Variants in DIS3L observed in about 807,000 individuals in gnomAD.
DIS3L encodes DIS3-like exonuclease 1.
Under a neutral mutation model 120.3 loss-of-function variants are expected in DIS3L, and 100 were observed. That is an observed-to-expected ratio of 0.83 (90% CI 0.71 to 0.98). The LOEUF (loss-of-function observed/expected upper bound fraction) is 0.98. Among genes scored for constraint, DIS3L ranks in the 50% least tolerant of loss-of-function variants. The probability of loss-of-function intolerance (pLI) is 0.00; values close to 1 mark genes in which losing one functional copy is unlikely to be tolerated. For synonymous variants in DIS3L, 426 were observed against 470.6 expected (o/e 0.91, Z 1.23); for missense variants, 1,196 against 1,314.2 (o/e 0.91, Z 1.39).
rs771316933 is a variant in DIS3L at position 66,320,585 on chromosome 15, C to A, written c.1179C>A (p.Val393=). ...CTTTTGTGCAGGACTTCAGGGTGGTCGTGCGCATCGATTCCTGGGAGTCAA... is the reference window on the plus strand; with the variant it reads ...CTTTTGTGCAGGACTTCAGGGTGGTAGTGCGCATCGATTCCTGGGAGTCAA... ...QAETLQDFRV[V]VRIDSWESTS... Residue 393 remains valine (V), a synonymous_variant, in exon 9 of 17, where the codon GTC becomes GTA. Transcript: ENST00000319212. 2 of 1,613,438 alleles carry A rather than the reference C, an allele frequency of 1.2e-6. No individual in the cohort carries two copies. Among genetic ancestry groups the A allele is most frequent in the Non-Finnish European group, 1.7e-6 (2 of 1,179,792 alleles).
intron 6 of DIS3L, 81 bp from the exon 7 acceptor site, chr15:66,314,955 G>C (rs975427518): frequency 2.8e-6 from 4 of 1,434,736 alleles, no homozygotes; most frequent in Admixed American, 2.0e-5. Flanking sequence ...ATTAGACTTC[G>C]AGTATATCAT....
At chr15:66,298,498 A>G (rs2092614126) in intron 2 of DIS3L, among the ~76,000 whole-genome samples, 1 of 152,270 alleles carries the variant, frequency 6.6e-6, no homozygotes, top group Admixed American at 6.5e-5. Context: ...TCAACGTGAC[A>G]GATAACATTG....
chr15:66,305,548 A>G (rs1465704752), intron 2 of DIS3L, among the ~76,000 whole-genome samples: 2 of 152,098 alleles, frequency 1.3e-5, no homozygotes, highest in African/African-American at 4.8e-5. Context: ...TGTTAGAGAC[A>G]GGGTCTCATT....
chr15:66,329,328 G>C lies in DIS3L; in HGVS notation c.2464G>C (p.Glu822Gln), dbSNP rs1023781359. The C allele has an allele frequency of 6.2e-7, 1 of 1,613,908 alleles. No homozygotes were observed. Among genetic ancestry groups the C allele is most frequent in the Admixed American group, 1.7e-5 (1 of 59,984 alleles). Residue 822 changes from glutamate (E) to glutamine (Q), a missense_variant, in exon 14 of 17, where the codon GAA (glutamate) becomes CAA (glutamine). Transcript: ENST00000319212. ...MAAISKDKKM[E>Q]IKGNLFSNKD... Reference sequence around the variant, plus strand: ...AGCCATTTCAAAAGATAAGAAAATGGAAATTAAGGGAAATCTGTTCAGCAA... The same window carrying C: ...AGCCATTTCAAAAGATAAGAAAATGCAAATTAAGGGAAATCTGTTCAGCAA...
chr15:66,329,542 A>T (rs2140414343), intron 14 of DIS3L, 143 bp downstream of exon 14: 1 of 1,341,336 alleles, frequency 7.5e-7, no homozygotes, highest in South Asian at 2.1e-5. Context: ...GAACATTTGT[A>T]GATGTTCTCA....
rs1485208742 is a variant in DIS3L, at chr15:66,323,525, A to G, written c.1607A>G (p.Tyr536Cys). 6.8e-6 allele frequency: 11 copies of G among 1,614,124 alleles called. No homozygotes were observed. The Admixed American group carries it at 1.3e-4, about 20-fold the overall frequency. ...ATTYYLADRR[Y>C]DMLPSVLSAD... ...ACTTATTATCTAGCAGATCGTCGCT[A>G]TGACATGCTGCCTTCCGTCCTCAGT... is the stretch of plus-strand genomic sequence containing the variant. Residue 536 changes from tyrosine (Y) to cysteine (C), a missense_variant, in exon 11 of 17, where the codon TAT becomes TGT. Physicochemically the swap from Tyr to Cys is radical, Grantham distance 194. Coordinates refer to ENST00000319212, the MANE Select transcript of DIS3L (RefSeq NM_001143688.3).
chr15:66,331,538 G>C (rs1405511844), intron 14 of DIS3L: 1 of 159,844 alleles, frequency 6.3e-6, no homozygotes, highest in Non-Finnish European at 1.4e-5. Context: ...CTGGGTGACA[G>C]AGTGAGACTC....
chr15:66,319,035 C>G (rs2092852155), intron 8 of DIS3L, among the ~76,000 whole-genome samples: 1 of 152,168 alleles, frequency 6.6e-6, no homozygotes, highest in East Asian at 1.9e-4. Context: ...TCATGATCCA[C>G]CACCTCCACC....
At chr15:66,295,578 T>A (rs1595708772) in intron 2 of DIS3L, among the ~76,000 whole-genome samples, 2 of 152,356 alleles carry the variant, frequency 1.3e-5, no homozygotes, top group East Asian at 3.9e-4. Flanking sequence ...CAAATTGTAC[T>A]TGTAATGATT....
At chr15:66,301,356 C>T (rs997786801) in intron 2 of DIS3L, among the ~76,000 whole-genome samples, 3 of 152,074 alleles carry the variant, frequency 2.0e-5, no homozygotes, top group African/African-American at 7.2e-5. Flanking sequence ...TCTCAGCTCA[C>T]TGCAACCTCT....
At chr15:66,327,101 T>A (rs1451647113) in intron 12 of DIS3L, among the ~76,000 whole-genome samples, 3 of 151,954 alleles carry the variant, frequency 2.0e-5, no homozygotes, top group Non-Finnish European at 4.4e-5. Context: ...GGCTAATTTT[T>A]GTATTTTTAG....
In DIS3L at chr15:66,316,750, G is replaced by A. The variant is rs192592349; in HGVS notation, c.994+1535G>A. Among the ~76,000 whole-genome samples, 235 of 152,318 alleles carry A rather than the reference G, an allele frequency of 1.5e-3. 1 individual carries two copies. Among genetic ancestry groups the A allele is most frequent in the African/African-American group, 5.4e-3 (224 of 41,572 alleles). On this transcript the variant is annotated intron_variant, in intron 7 of 16. Coordinates refer to ENST00000319212, the MANE Select transcript of DIS3L (RefSeq NM_001143688.3). Reference sequence around the variant, plus strand: ...GAATCGCTTGAACCTAGGAGGCGGAGGTTGCAGTGAGCCAAGATCATGCTA... The same window carrying A: ...GAATCGCTTGAACCTAGGAGGCGGAAGTTGCAGTGAGCCAAGATCATGCTA...
At chr15:66,306,133 C>T (rs113479544) in intron 2 of DIS3L, among the ~76,000 whole-genome samples, 5 of 152,072 alleles carry the variant, frequency 3.3e-5, no homozygotes, top group African/African-American at 1.2e-4. Flanking sequence ...TGCACGCTAC[C>T]ACGCTAATTT....
In DIS3L at chr15:66,320,576, C is replaced by T; in HGVS notation, c.1170C>T (p.Phe390=). 8 of 1,613,122 alleles carry T rather than the reference C, an allele frequency of 5.0e-6. No individual in the cohort carries two copies. Among genetic ancestry groups the T allele is most frequent in the Non-Finnish European group, 6.8e-6 (8 of 1,179,648 alleles). ...TATTTTTTCCTTTTGTGCAGGACTT[C>T]AGGGTGGTCGTGCGCATCGATTCCT... ...STQQAETLQD[F]RVVVRIDSWE... is the part of the protein sequence containing the mutation. The change falls in exon 9 of 17, where the codon TTC becomes TTT. Residue 390 remains phenylalanine, a synonymous_variant. Transcript: ENST00000319212.
At position 66,326,164 on chromosome 15, in the gene DIS3L, C is replaced by G; in HGVS notation, c.2001C>G (p.His667Gln). The change falls in exon 12 of 17, where the codon CAC becomes CAG. Residue 667 changes from histidine to glutamine, a missense_variant. By Grantham distance (24) the His-to-Gln change is conservative. Transcript: ENST00000319212. ...AGCTAGATGACAAAAAGAACATTCA[C>G]GACCTCATCCCCAAGCAGCCCCTGG... ...CVQLDDKKNIHDLIPKQPLEV... is the reference protein window; with the variant it reads ...CVQLDDKKNIQDLIPKQPLEV... 6.2e-7 allele frequency: 1 copy of G among 1,614,194 alleles called. No individual in the cohort carries two copies.
At chr15:66,316,287 C>T (rs2092815934) in intron 7 of DIS3L, among the ~76,000 whole-genome samples, 1 of 150,868 alleles carries the variant, frequency 6.6e-6, no homozygotes, top group Admixed American at 6.7e-5. Context: ...CAACCCAAGA[C>T]ACCTTGGGGT....
chr15:66,293,532 G>GTCCGAGGCCGCGGCCTTGCC, upstream of DIS3L: 1 of 1,333,118 alleles, frequency 7.5e-7, no homozygotes, highest in Non-Finnish European at 9.6e-7. Context: ...CGAGGGGCGG[G>GTCCGAGGCCGCGGCCTTGCC]TCCGAGGCCG....
intron 3 of DIS3L, among the ~76,000 whole-genome samples, chr15:66,308,110 G>A (rs1184666301): frequency 6.6e-6 from 1 of 152,286 alleles, no homozygotes; most frequent in East Asian, 1.9e-4. Context: ...AATTGAGGTT[G>A]CAGTGAGCCA....
chr15:66,328,490 G>C (rs1210845147), intron 12 of DIS3L, among the ~76,000 whole-genome samples: 1 of 152,104 alleles, frequency 6.6e-6, no homozygotes, highest in Non-Finnish European at 1.5e-5. Flanking sequence ...AGGAGTTCAA[G>C]ACTAGCCTGG....
Sources: gnomAD v4.1 joint callset for allele counts (sites outside exome capture counted in the v4.1 genomes callset) on GRCh38, gnomAD v4.1.1 for gene constraint, MANE v1.5 for transcripts, NCBI Gene and HGNC (gene_info 2026-07-23, HGNC 2026-07-21) for gene names.